The following FOCAD variants were observed in gnomAD, a reference collection of about 807,000 sequenced individuals.
The protein encoded by FOCAD is focadhesin, also known as KIAA1797.
In FOCAD, 198 loss-of-function variants were observed where a neutral mutation model predicts 225.6. That is an observed-to-expected ratio of 0.88 (90% CI 0.78 to 0.99). The LOEUF (loss-of-function observed/expected upper bound fraction) is 0.99, where lower values mean the gene tolerates loss of function less well. FOCAD is among the 50% of genes least tolerant of loss of function. FOCAD has a pLI of 0.00. For synonymous variants in FOCAD, 897 were observed against 755.0 expected (o/e 1.19, Z -3.08); for missense variants, 2,713 against 2,123.6 (o/e 1.28, Z -5.46).
intron 24 of FOCAD, among the ~76,000 whole-genome samples, chr9:20,918,159 C>G (rs1834027965): frequency 1.3e-5 from 2 of 152,164 alleles, no homozygotes; most frequent in Admixed American, 1.3e-4. Flanking sequence ...ATAGTTTGTT[C>G]TCTTATGTAG....
intron 35 of FOCAD, among the ~76,000 whole-genome samples, chr9:20,958,082 C>T (rs1838365844): frequency 7.4e-6 from 1 of 134,874 alleles, no homozygotes; most frequent in African/African-American, 2.7e-5. Flanking sequence ...TAACTTCAGG[C>T]AAACTGTGTC....
intron 11 of FOCAD, among the ~76,000 whole-genome samples, chr9:20,805,016 TG>T (rs1822265668): frequency 6.6e-6 from 1 of 152,222 alleles, no homozygotes; most frequent in African/African-American, 2.4e-5. Context: ...CTTTATCTTT[TG>T]TAACATGTCA....
intron 8 of FOCAD, among the ~76,000 whole-genome samples, chr9:20,775,669 C>G (rs1818683530): frequency 6.6e-6 from 1 of 152,148 alleles, no homozygotes; most frequent in East Asian, 1.9e-4. Context: ...AGAAAAGGGA[C>G]TATTTTGTCC....
At chr9:20,979,049 C>T (rs1458343299) in intron 37 of FOCAD, among the ~76,000 whole-genome samples, 2 of 152,094 alleles carry the variant, frequency 1.3e-5, no homozygotes, top group African/African-American at 4.8e-5. Flanking sequence ...GCACCTTTCA[C>T]GTATAGGCCA....
At chr9:20,805,135 C>A (rs1389591658) in intron 11 of FOCAD, among the ~76,000 whole-genome samples, 1 of 152,162 alleles carries the variant, frequency 6.6e-6, no homozygotes, top group Non-Finnish European at 1.5e-5. Context: ...CTTTAAGGTA[C>A]ATGAAGTGAA....
intron 20 of FOCAD, among the ~76,000 whole-genome samples, chr9:20,883,144 C>T (rs1232412262): frequency 6.6e-6 from 1 of 151,948 alleles, no homozygotes; most frequent in Non-Finnish European, 1.5e-5. Flanking sequence ...AGACACAGGA[C>T]AAAGGAAGAA....
chr9:20,797,081 C>T (rs1411568308), intron 11 of FOCAD, among the ~76,000 whole-genome samples: 1 of 152,130 alleles, frequency 6.6e-6, no homozygotes, highest in East Asian at 1.9e-4. Context: ...GAATCTTTAA[C>T]CCATTTCTTG....
chr9:20,758,625 T>C (rs964948302), intron 6 of FOCAD, among the ~76,000 whole-genome samples: 1 of 151,912 alleles, frequency 6.6e-6, no homozygotes, highest in African/African-American at 2.4e-5. Flanking sequence ...GTTTGGTTTT[T>C]TGTTCTTGTG....
At chr9:20,802,028 G>A (rs1177344378) in intron 11 of FOCAD, among the ~76,000 whole-genome samples, 1 of 152,124 alleles carries the variant, frequency 6.6e-6, no homozygotes, top group Non-Finnish European at 1.5e-5. Flanking sequence ...TTTCAGGACA[G>A]TTAATGTAAT....
chr9:20,789,322 T>G (rs1008200709), intron 10 of FOCAD, 29 bp from the exon 11 acceptor site: 2 of 1,598,398 alleles, frequency 1.3e-6, no homozygotes, highest in Non-Finnish European at 1.7e-6. Context: ...ATCTCACTTA[T>G]TTATGCCTCT....
At position 20,822,982 on chromosome 9, in the gene FOCAD, C is replaced by A; in HGVS notation, c.1794-7C>A. 3 of 1,577,404 alleles carry A rather than the reference C, an allele frequency of 1.9e-6. No homozygotes were observed. The East Asian group carries it at 7.0e-5, about 37-fold the overall frequency. Reference sequence around the variant, plus strand: ...TAATTTTGCTTTTAAACTTTCATTTCTTGTAGGCCATATCAACATGGTGCA... The same window carrying A: ...TAATTTTGCTTTTAAACTTTCATTTATTGTAGGCCATATCAACATGGTGCA... On this transcript the variant is annotated splice_polypyrimidine_tract_variant and splice_region_variant and intron_variant, in intron 14 of 43. Transcript: ENST00000338382.
At chr9:20,929,221 T>G (rs1835235522) in intron 26 of FOCAD, 137 bp from the exon 27 acceptor site, 1 of 651,180 alleles carries the variant, frequency 1.5e-6, no homozygotes. Flanking sequence ...CGTTTGGATT[T>G]TTAAAAAATG....
chr9:20,915,448 AACTGTGTCAAAT>A (rs1833792036), intron 23 of FOCAD, among the ~76,000 whole-genome samples: 1 of 152,206 alleles, frequency 6.6e-6, no homozygotes, highest in Non-Finnish European at 1.5e-5. Context: ...AGGAGCAACC[AACTGTGTCAAAT>A]ACTGTTGTTA....
intron 9 of FOCAD, 59 bp from the exon 10 acceptor site, chr9:20,781,668 C>A: frequency 6.7e-7 from 1 of 1,495,920 alleles, no homozygotes; most frequent in Non-Finnish European, 9.3e-7. Context: ...AGCAAAATTG[C>A]ATTTTGTTTG....
At chr9:20,795,711 G>C (rs1200184691) in intron 11 of FOCAD, among the ~76,000 whole-genome samples, 1 of 146,056 alleles carries the variant, frequency 6.8e-6, no homozygotes, top group Non-Finnish European at 1.5e-5. Context: ...GTGAACCTGG[G>C]AGGCAGAGCT....
chr9:20,871,074 G>A (rs773955521), intron 18 of FOCAD, among the ~76,000 whole-genome samples: 16 of 151,872 alleles, frequency 1.1e-4, no homozygotes, highest in African/African-American at 2.4e-5. Context: ...GTGGTGGTGC[G>A]GGGCCTGTAA....
intron 8 of FOCAD, among the ~76,000 whole-genome samples, chr9:20,775,660 G>A (rs1818681834): frequency 6.6e-6 from 1 of 152,088 alleles, no homozygotes; most frequent in Admixed American, 6.5e-5. Flanking sequence ...AAATCCTTGA[G>A]AAAAGGGACT....
intron 35 of FOCAD, among the ~76,000 whole-genome samples, chr9:20,975,221 G>A (rs1840125339): frequency 6.6e-6 from 1 of 152,052 alleles, no homozygotes; most frequent in African/African-American, 2.4e-5. Context: ...CGTTTACATG[G>A]CCCTTAATGG....
At chr9:20,895,934 T>G (rs1832045400) in intron 21 of FOCAD, among the ~76,000 whole-genome samples, 1 of 151,962 alleles carries the variant, frequency 6.6e-6, no homozygotes. Context: ...AGAGAGGACA[T>G]CCTTGCCTTG....
Sources: allele counts gnomAD v4.1 joint callset (sites outside exome capture counted in the v4.1 genomes callset), GRCh38; gene constraint gnomAD v4.1.1; transcripts MANE v1.5; gene names NCBI Gene and HGNC (gene_info 2026-07-23, HGNC 2026-07-21).